The following FEZ2 variants were observed in gnomAD, a reference collection of about 807,000 sequenced individuals.
FEZ2 encodes the protein fasciculation and elongation protein zeta 2, also known as fasciculation and elongation protein zeta-2.
FEZ2 carries 51 observed loss-of-function variants against 40.4 expected under a neutral mutation model. The observed-to-expected ratio is 1.26, with a 90% CI of 1.01 to 1.59. The LOEUF is 1.59. Ranked by LOEUF, FEZ2 falls within the 40% of genes most tolerant of loss-of-function variation. FEZ2 has a pLI of 0.00. For synonymous variants in FEZ2, 242 were observed against 172.0 expected (o/e 1.41, Z -3.18); for missense variants, 640 against 438.3 (o/e 1.46, Z -4.11).
intron 6 of FEZ2, 197 bp downstream of exon 6, chr2:36,558,241 C>A: frequency 2.7e-6 from 1 of 372,498 alleles, no homozygotes; most frequent in Non-Finnish European, 4.8e-6. Context: ...AGAAAAAGTA[C>A]AAATCAACAC....
At chr2:36,558,661 TTA>T (rs1668016175) in intron 5 of FEZ2, 148 bp from the exon 6 acceptor site, 1 of 446,508 alleles carries the variant, frequency 2.2e-6, no homozygotes, top group Admixed American at 3.9e-5. Context: ...GGGAATAAAG[TTA>T]TCTTACTATC....
At chr2:36,578,476 A>C in intron 5 of FEZ2, 121 bp downstream of exon 5, 1 of 1,038,694 alleles carries the variant, frequency 9.6e-7, no homozygotes. Context: ...CTGGGCTCTG[A>C]TTAGAAGTGT....
intron 5 of FEZ2, among the ~76,000 whole-genome samples, chr2:36,572,534 G>A (rs1001234402): frequency 2.6e-5 from 4 of 152,138 alleles, no homozygotes; most frequent in African/African-American, 9.7e-5. Flanking sequence ...TTTAGGCTTT[G>A]TAAGCCACAC....
chr2:36,583,290 C>T (rs1342758913), intron 3 of FEZ2, 63 bp downstream of exon 3: 9 of 844,030 alleles, frequency 1.1e-5, no homozygotes, highest in African/African-American at 1.7e-5. Context: ...ACTGTCATAA[C>T]AAGAAGCCGT....
chr2:36,593,199 A>G (rs186372104), intron 1 of FEZ2, among the ~76,000 whole-genome samples: 1 of 152,342 alleles, frequency 6.6e-6, no homozygotes, highest in East Asian at 1.9e-4. Context: ...CCTCAGAATC[A>G]TGGTGGGAGA....
At chr2:36,587,363 C>A (rs558793931) in intron 2 of FEZ2, among the ~76,000 whole-genome samples, 24 of 152,308 alleles carry the variant, frequency 1.6e-4, no homozygotes, top group Non-Finnish European at 2.9e-4. Context: ...CTCCCTTCAG[C>A]ATTAAATGTG....
intron 5 of FEZ2, among the ~76,000 whole-genome samples, chr2:36,566,469 C>T (rs1227340497): frequency 6.6e-6 from 1 of 151,914 alleles, no homozygotes; most frequent in Non-Finnish European, 1.5e-5. Flanking sequence ...AACTCAAGTT[C>T]TCAAAATCCT....
At chr2:36,589,903 C>T (rs1669015923) in intron 2 of FEZ2, 1 of 152,136 alleles carries the variant, frequency 6.6e-6, no homozygotes, top group Admixed American at 6.5e-5. Context: ...AAATATAGAG[C>T]ACGCAAGAAG....
intron 5 of FEZ2, among the ~76,000 whole-genome samples, chr2:36,569,153 AGTT>A (rs911635127): frequency 2.0e-5 from 3 of 152,240 alleles, no homozygotes; most frequent in African/African-American, 7.2e-5. Context: ...TTCTTTATAG[AGTT>A]GTTGTGAAGG....
intron 4 of FEZ2, among the ~76,000 whole-genome samples, chr2:36,580,461 G>C (rs1382818237): frequency 6.6e-6 from 1 of 152,230 alleles, no homozygotes; most frequent in Non-Finnish European, 1.5e-5. Flanking sequence ...ATATGGCAAT[G>C]ATTAGATACA....
In FEZ2 at chr2:36,583,345, C is replaced by A; in HGVS notation, c.492+8G>T. On this transcript the variant is annotated splice_region_variant and intron_variant, in intron 3 of 7. Transcript: ENST00000405912. Reference sequence around the variant, plus strand: ...CTTTCCTTGCGTTGCTGAGGATCTCCTCTATACCTGGTCTGCCGTGAAGAG... The same window carrying A: ...CTTTCCTTGCGTTGCTGAGGATCTCATCTATACCTGGTCTGCCGTGAAGAG... 3 of 1,435,406 alleles carry A rather than the reference C, an allele frequency of 2.1e-6. No homozygotes were observed. The highest frequency in any genetic ancestry group is 9.8e-7 in the Non-Finnish European group (1 of 1,019,520). The allele number at this position is 1,435,406 out of a possible 1,614,324, so 88.9% of individuals were successfully genotyped here.
intron 5 of FEZ2, among the ~76,000 whole-genome samples, chr2:36,563,582 TGCAA>T (rs1668151478): frequency 6.6e-6 from 1 of 151,918 alleles, no homozygotes; most frequent in South Asian, 2.1e-4. Context: ...ACGCTTCAGT[TGCAA>T]TCAACTCCTA....
intron 1 of FEZ2, among the ~76,000 whole-genome samples, chr2:36,592,289 G>A (rs902114313): frequency 1.3e-5 from 2 of 151,778 alleles, no homozygotes; most frequent in Non-Finnish European, 2.9e-5. Flanking sequence ...TTTTTTTTAA[G>A]TTCCGGGGTA....
intron 6 of FEZ2, 103 bp from the exon 7 acceptor site, chr2:36,555,851 T>C (rs1667946057): frequency 7.2e-6 from 5 of 695,222 alleles, no homozygotes; most frequent in Non-Finnish European, 1.2e-5. Context: ...AATTATAGGA[T>C]ATAACTGACT....
At chr2:36,558,237 A>G in intron 6 of FEZ2, 1 of 368,632 alleles carries the variant, frequency 2.7e-6, no homozygotes, top group Non-Finnish European at 4.9e-6. Context: ...AAACAGAAAA[A>G]GTACAAATCA....
intron 5 of FEZ2, among the ~76,000 whole-genome samples, chr2:36,572,017 GAA>G (rs34787798): frequency 9.1e-6 from 1 of 110,116 alleles, no homozygotes; most frequent in Non-Finnish European, 2.0e-5. Context: ...TCCGTCTCAG[GAA>G]AAAAAAAAAA....
chr2:36,565,044 G>A (rs1187372274), intron 5 of FEZ2, among the ~76,000 whole-genome samples: 1 of 152,126 alleles, frequency 6.6e-6, no homozygotes, highest in Non-Finnish European at 1.5e-5. Flanking sequence ...CCTCCCTTTG[G>A]GGAAGGGGCA....
At chr2:36,571,739 C>T (rs1202383488) in intron 5 of FEZ2, among the ~76,000 whole-genome samples, 1 of 151,866 alleles carries the variant, frequency 6.6e-6, no homozygotes, top group African/African-American at 2.4e-5. Context: ...GGCACTGTGG[C>T]TCACTCCTGT....
Position 36,598,146 on chromosome 2 carries a change from C to G in FEZ2, c.-4G>C, listed in dbSNP as rs1351888699. On this transcript the variant is annotated 5_prime_UTR_variant, in exon 1 of 8. Transcript: ENST00000405912. ...GCCAGTCCCCGTCCGCCGCCATCGC[C>G]GCCCGGAGCAGTCGCGCGCCCCGCC... is the stretch of plus-strand genomic sequence containing the variant. The G allele has an allele frequency of 6.8e-7, 1 of 1,471,322 alleles. No homozygotes were observed. The highest frequency in any genetic ancestry group is 2.4e-5 in the Admixed American group (1 of 42,272). 91.1% of individuals were successfully genotyped at this position (1,471,322 alleles called of 1,614,324 possible).
Sources: allele counts gnomAD v4.1 joint callset (sites outside exome capture counted in the v4.1 genomes callset), GRCh38; gene constraint gnomAD v4.1.1; transcripts MANE v1.5; gene names NCBI Gene and HGNC (gene_info 2026-07-23, HGNC 2026-07-21).